The following TMC2 variants were observed in gnomAD, a reference collection of about 807,000 sequenced individuals.
The protein encoded by TMC2 is transmembrane channel-like protein 2.
Under a neutral mutation model 105.9 loss-of-function variants are expected in TMC2, and 102 were observed. That is an observed-to-expected ratio of 0.96 (90% CI 0.82 to 1.14). The LOEUF is 1.14. TMC2 is among the 50% of genes most tolerant of loss of function. The probability of loss-of-function intolerance (pLI) is 0.00; values close to 1 mark genes in which losing one functional copy is unlikely to be tolerated. For synonymous variants in TMC2, 402 were observed against 422.8 expected (o/e 0.95, Z 0.60); for missense variants, 1,093 against 1,134.3 (o/e 0.96, Z 0.52).
chr20:2,578,840 T>A (rs182712963), intron 5 of TMC2, among the ~76,000 whole-genome samples: 1 of 152,336 alleles, frequency 6.6e-6, no homozygotes, highest in Non-Finnish European at 1.5e-5. Flanking sequence ...ACCCTCCAAA[T>A]CAGAAATCGT....
chr20:2,558,822 C>A lies in TMC2; in HGVS notation c.401+48C>A. On this transcript the variant is annotated intron_variant, in intron 3 of 19. Coordinates refer to ENST00000358864, the MANE Select transcript of TMC2 (RefSeq NM_080751.3). This position sits in a 1 kb window ranked among gnomAD's most constrained non-coding sequence, Gnocchi z 4.6. ...GGCATTCGCTCCGCGCGCTCCCGCT[C>A]CTTCGCGGCCCTTCCCCTTCCCCCG... 1.4e-6 allele frequency: 2 copies of A among 1,472,790 alleles called. No homozygotes were observed. Among genetic ancestry groups the A allele is most frequent in the South Asian group, 2.9e-5 (2 of 70,022 alleles). 91.2% of individuals were successfully genotyped at this position (1,472,790 alleles called of 1,614,324 possible). A position where few individuals can be genotyped will look rare whatever the true frequency, so the allele number is the denominator to read the frequency against.
At chr20:2,554,629 G>T (rs901255232) in intron 2 of TMC2, among the ~76,000 whole-genome samples, 2 of 152,116 alleles carry the variant, frequency 1.3e-5, no homozygotes, top group African/African-American at 4.8e-5. Context: ...ATTTTGACCA[G>T]TTGTATTTTC....
intron 19 of TMC2, among the ~76,000 whole-genome samples, chr20:2,638,505 T>A (rs1032207667): frequency 6.6e-6 from 1 of 152,184 alleles, no homozygotes; most frequent in Admixed American, 6.5e-5. Flanking sequence ...TAAAAAATAG[T>A]TAACTGTAAA....
intron 5 of TMC2, among the ~76,000 whole-genome samples, chr20:2,575,181 G>T (rs919942221): frequency 1.3e-5 from 2 of 151,712 alleles, no homozygotes; most frequent in Non-Finnish European, 2.9e-5. Context: ...AGAATGTGCT[G>T]TTCAAGTATA....
intron 7 of TMC2, among the ~76,000 whole-genome samples, chr20:2,583,361 T>C (rs2086208806): frequency 6.6e-6 from 1 of 152,186 alleles, no homozygotes; most frequent in Admixed American, 6.5e-5. Flanking sequence ...TCTGACAGAT[T>C]GGAGATGCCC....
chr20:2,538,876 G>A (rs1191205478), intron 2 of TMC2, among the ~76,000 whole-genome samples: 4 of 152,138 alleles, frequency 2.6e-5, no homozygotes, highest in South Asian at 2.1e-4. Flanking sequence ...AGTCACCTGC[G>A]ACGGGACCTG....
At chr20:2,611,759 A>G (rs948468368) in intron 12 of TMC2, among the ~76,000 whole-genome samples, 5 of 152,062 alleles carry the variant, frequency 3.3e-5, no homozygotes, top group African/African-American at 1.2e-4. Context: ...GCCCTGAATA[A>G]ATTATTTTCA....
rs947741572 is a variant in TMC2 at position 2,613,439 on chromosome 20, T to C, written c.1872+117T>C. On this transcript the variant is annotated intron_variant, in intron 14 of 19. Coordinates refer to ENST00000358864, the MANE Select transcript of TMC2 (RefSeq NM_080751.3). ...TCTTTGGAAGCTTAATGACGGTCTC[T>C]GCTCTGTAGAGTAGTAAAGTGTTTA... The C allele has an allele frequency of 1.3e-5, 19 of 1,450,238 alleles. No homozygotes were observed. In the African/African-American group the frequency reaches 2.7e-4, roughly 20 times the overall value. The allele number at this position is 1,450,238 out of a possible 1,614,324, so 89.8% of individuals were successfully genotyped here. A position where few individuals can be genotyped will look rare whatever the true frequency, so the allele number is the denominator to read the frequency against.
At chr20:2,613,522 G>A (rs925334087) in intron 14 of TMC2, 200 bp downstream of exon 14, 6 of 672,164 alleles carry the variant, frequency 8.9e-6, no homozygotes, top group Non-Finnish European at 1.2e-5. Flanking sequence ...CTTTTTCCCA[G>A]TGTAATGAAC....
chr20:2,572,317 T>TTGGAATC, intron 5 of TMC2, 48 bp downstream of exon 5: 1 of 1,494,094 alleles, frequency 6.7e-7, no homozygotes, highest in South Asian at 1.1e-5. Flanking sequence ...TTGCTCAGCT[T>TTGGAATC]TGGAATCTGG....
chr20:2,572,390 T>C, intron 5 of TMC2, 121 bp downstream of exon 5: 1 of 720,826 alleles, frequency 1.4e-6, no homozygotes, highest in Non-Finnish European at 2.4e-6. Context: ...GAATCCTGGG[T>C]GTGAGGGCCA....
intron 17 of TMC2, among the ~76,000 whole-genome samples, chr20:2,629,382 T>C (rs1447332547): frequency 6.6e-6 from 1 of 152,146 alleles, no homozygotes. Flanking sequence ...TTAAGCACAG[T>C]ACTGCTTTTT....
At position 2,549,197 on chromosome 20, in the gene TMC2, C is replaced by T. The variant is rs533334314; in HGVS notation, c.83-9259C>T. Among the ~76,000 whole-genome samples, 7 of 152,216 alleles carry T rather than the reference C, an allele frequency of 4.6e-5. No individual in the cohort carries two copies. The South Asian group carries it at 6.2e-4, about 14-fold the overall frequency. ...CAGCCTCCCAAGTAGCTAGTACTAT[C>T]GGCACTTACCACTATCCTGGCTAAA... is the stretch of plus-strand genomic sequence containing the variant. On this transcript the variant is annotated intron_variant, in intron 2 of 19. Transcript: ENST00000358864.
At position 2,568,016 on chromosome 20, in the gene TMC2, C is replaced by A. The variant is rs561683716; in HGVS notation, c.555-4163C>A. ...GGATGTGTGGGACTATAATAAAAGA[C>A]ATAACATTAGTATCGTTGGAATTCC... is the stretch of plus-strand genomic sequence containing the variant. On this transcript the variant is annotated intron_variant, in intron 4 of 19. Coordinates refer to ENST00000358864, the MANE Select transcript of TMC2 (RefSeq NM_080751.3). Among the ~76,000 whole-genome samples the A allele has an allele frequency of 8.5e-5, 13 of 152,146 alleles. No homozygotes were observed. The East Asian group carries it at 2.3e-3, about 27-fold the overall frequency.
chr20:2,603,826 C>T (rs941362330), intron 11 of TMC2, among the ~76,000 whole-genome samples: 1 of 152,172 alleles, frequency 6.6e-6, no homozygotes, highest in African/African-American at 2.4e-5. Flanking sequence ...GCTCTAGTTC[C>T]ATCCCACTAG....
At position 2,615,886 on chromosome 20, in the gene TMC2, A is replaced by AT. The variant is rs1352472918; in HGVS notation, c.1873-244dup. Among the ~76,000 whole-genome samples the AT allele has an allele frequency of 2.6e-5, 4 of 152,158 alleles. No individual in the cohort carries two copies. The East Asian group carries it at 7.7e-4, about 29-fold the overall frequency. ...CAAGGCCTGAAAGATAGAAACTGTC[A>AT]TTTTTTTGTTTACTGAAATAGGCAT... On this transcript the variant is annotated intron_variant, in intron 14 of 19. Transcript: ENST00000358864.
At chr20:2,587,294 G>T (rs919219438) in intron 7 of TMC2, among the ~76,000 whole-genome samples, 9 of 152,128 alleles carry the variant, frequency 5.9e-5, no homozygotes, top group Non-Finnish European at 1.3e-4. Context: ...ATTTAAGATT[G>T]TTATGTGGTG....
At chr20:2,584,231 T>C (rs965538838) in intron 7 of TMC2, among the ~76,000 whole-genome samples, 1 of 151,122 alleles carries the variant, frequency 6.6e-6, no homozygotes, top group Non-Finnish European at 1.5e-5. Context: ...GATCACGAGG[T>C]CAGGAGATCG....
intron 17 of TMC2, among the ~76,000 whole-genome samples, chr20:2,626,759 A>G (rs1255247323): frequency 6.6e-6 from 1 of 152,224 alleles, no homozygotes; most frequent in Non-Finnish European, 1.5e-5. Flanking sequence ...AGGGGTCTCA[A>G]CTGAAAGCCT....
Sources: gnomAD v4.1 joint callset for allele counts (sites outside exome capture counted in the v4.1 genomes callset) on GRCh38, gnomAD v4.1.1 for gene constraint, Gnocchi (gnomAD v3.1) non-coding constraint, MANE v1.5 for transcripts, NCBI Gene and HGNC (gene_info 2026-07-23, HGNC 2026-07-21) for gene names.